Variants in VAX2 observed in about 807,000 individuals in gnomAD.
The protein encoded by VAX2 is ventral anterior homeobox 2.
Under a neutral mutation model 12.5 loss-of-function variants are expected in VAX2, and 8 were observed. That is an observed-to-expected ratio of 0.64 (90% CI 0.37 to 1.15). The LOEUF is 1.15. VAX2 is among the 50% of genes most tolerant of loss of function. VAX2 has a pLI of 0.01. For missense variants in VAX2, 476 were observed against 412.9 expected (o/e 1.15, Z -1.32); for synonymous variants, 183 against 187.6 (o/e 0.98, Z 0.20).
chr2:70,930,748 C>A (rs1307256983), intron 2 of VAX2, among the ~76,000 whole-genome samples: 1 of 152,236 alleles, frequency 6.6e-6, no homozygotes, highest in Non-Finnish European at 1.5e-5. Context: ...TCTCCTCCAC[C>A]CATCTCTTGG....
In VAX2 at chr2:70,925,980, C is replaced by T. The variant is rs573335270; in HGVS notation, c.435+4695C>T. Among the ~76,000 whole-genome samples the T allele has an allele frequency of 1.2e-4, 18 of 152,124 alleles. No homozygotes were observed. The East Asian group carries it at 3.5e-3, about 29-fold the overall frequency. Reference sequence around the variant, plus strand: ...CCAAATAGCATCTCTACCTTCTTCCCTGGATACTCAGAGGACCCAGGCATG... The same window carrying T: ...CCAAATAGCATCTCTACCTTCTTCCTTGGATACTCAGAGGACCCAGGCATG... On this transcript the variant is annotated intron_variant, in intron 2 of 2. Transcript: ENST00000234392.
At chr2:70,928,540 G>A (rs1289068214) in intron 2 of VAX2, among the ~76,000 whole-genome samples, 3 of 151,984 alleles carry the variant, frequency 2.0e-5, no homozygotes, top group East Asian at 1.9e-4. Flanking sequence ...CTCAGGAGAC[G>A]CCCAAACCCA....
At chr2:70,923,739 G>C (rs1679510810) in intron 2 of VAX2, among the ~76,000 whole-genome samples, 1 of 152,220 alleles carries the variant, frequency 6.6e-6, no homozygotes, top group Non-Finnish European at 1.5e-5. Flanking sequence ...CAAGGTAAGG[G>C]GGAGGTGCGT....
intron 1 of VAX2, among the ~76,000 whole-genome samples, chr2:70,920,011 C>A (rs1435807623): frequency 1.3e-5 from 2 of 152,182 alleles, no homozygotes; most frequent in African/African-American, 4.8e-5. Context: ...TGCGTGCGCC[C>A]CCTGGAGGGT....
At chr2:70,920,633 A>G (rs1448430181) in intron 1 of VAX2, among the ~76,000 whole-genome samples, 1 of 94,134 alleles carries the variant, frequency 1.1e-5, no homozygotes, top group East Asian at 3.4e-4. Context: ...TCATGCATGC[A>G]TGCATGCACA....
intron 2 of VAX2, among the ~76,000 whole-genome samples, chr2:70,926,020 A>G (rs1462945265): frequency 2.6e-5 from 4 of 151,996 alleles, no homozygotes; most frequent in African/African-American, 9.7e-5. Flanking sequence ...CAATTCAGGC[A>G]GAGAAAACAC....
intron 1 of VAX2, among the ~76,000 whole-genome samples, chr2:70,919,741 A>G (rs1211152404): frequency 1.3e-5 from 2 of 152,088 alleles, no homozygotes; most frequent in African/African-American, 4.8e-5. Flanking sequence ...AGTCCCAGCA[A>G]CTTGGGAGGC....
intron 1 of VAX2, among the ~76,000 whole-genome samples, chr2:70,911,417 G>A (rs1439002266): frequency 2.0e-5 from 3 of 152,148 alleles, no homozygotes; most frequent in Non-Finnish European, 2.9e-5. Context: ...CAGTGGGTCT[G>A]TATTTATCAA....
rs971159956 is a variant in VAX2, at chr2:70,929,148, A to T, written c.436-3619A>T. On this transcript the variant is annotated intron_variant, in intron 2 of 2. Coordinates refer to ENST00000234392, the MANE Select transcript of VAX2 (RefSeq NM_012476.3). ...GGAAAGGGTTTTCTTCTTTCCAGTC[A>T]TTGCCTTCAGCTAGACTTGGCTGAA... Among the ~76,000 whole-genome samples, 4 of 152,186 alleles carry T rather than the reference A, an allele frequency of 2.6e-5. No homozygotes were observed. The South Asian group carries it at 8.3e-4, about 31-fold the overall frequency.
intron 2 of VAX2, among the ~76,000 whole-genome samples, chr2:70,931,493 C>T (rs774594053): frequency 7.2e-5 from 11 of 152,232 alleles, no homozygotes; most frequent in African/African-American, 7.2e-5. Flanking sequence ...GGCAGCGTGG[C>T]GGCCAGCATG....
intron 1 of VAX2, among the ~76,000 whole-genome samples, chr2:70,905,573 G>A (rs1553410492): frequency 6.6e-6 from 1 of 152,050 alleles, no homozygotes; most frequent in Non-Finnish European, 1.5e-5. Flanking sequence ...TCAGGGAACG[G>A]TTCAGGAAGA....
chr2:70,916,516 C>T (rs1433739437), intron 1 of VAX2, among the ~76,000 whole-genome samples: 1 of 152,194 alleles, frequency 6.6e-6, no homozygotes, highest in Non-Finnish European at 1.5e-5. Context: ...CCTCTTACTA[C>T]TCATTGATGG....
At chr2:70,908,756 T>C (rs1246935588) in intron 1 of VAX2, among the ~76,000 whole-genome samples, 1 of 152,242 alleles carries the variant, frequency 6.6e-6, no homozygotes, top group Non-Finnish European at 1.5e-5. Flanking sequence ...CTCCATAAGA[T>C]GGAAGCAGTT....
chr2:70,914,803 ATT>A (rs34964280), intron 1 of VAX2, among the ~76,000 whole-genome samples: 2,728 of 140,628 alleles, frequency 0.019, 76 homozygotes, highest in African/African-American at 0.065. Flanking sequence ...ATTTACTTAA[ATT>A]TTTTTTTTTT....
rs190807227 is a variant in VAX2, at chr2:70,925,851, T to C, written c.435+4566T>C. On this transcript the variant is annotated intron_variant, in intron 2 of 2. Transcript: ENST00000234392. ...TCCTCCCAGTGCTCTGCTGAGTATG[T>C]GCTCCAACTGCTCTCCAAAATATCT... is the stretch of plus-strand genomic sequence containing the variant. Among the ~76,000 whole-genome samples, 35 of 152,308 alleles carry C rather than the reference T, an allele frequency of 2.3e-4. 1 individual carries two copies. The highest frequency in any genetic ancestry group is 2.1e-3 in the Admixed American group (32 of 15,294).
chr2:70,921,348 T>A (rs1294806823), intron 2 of VAX2, 63 bp downstream of exon 2: 4 of 1,476,018 alleles, frequency 2.7e-6, no homozygotes, highest in Non-Finnish European at 3.6e-6. Context: ...CCTGGGGATA[T>A]GAGGCCCTGT....
At chr2:70,920,084 T>A (rs953763154) in intron 1 of VAX2, among the ~76,000 whole-genome samples, 1 of 152,162 alleles carries the variant, frequency 6.6e-6, no homozygotes, top group African/African-American at 2.4e-5. Context: ...GGCGGCCTTG[T>A]GTTGGTAAGC....
intron 1 of VAX2, among the ~76,000 whole-genome samples, chr2:70,916,240 G>T (rs1357552035): frequency 2.6e-5 from 4 of 152,134 alleles, no homozygotes; most frequent in Non-Finnish European, 4.4e-5. Context: ...TATAAAAATA[G>T]TACAGAGAAG....
At chr2:70,907,377 C>T (rs1553410725) in intron 1 of VAX2, among the ~76,000 whole-genome samples, 1 of 152,234 alleles carries the variant, frequency 6.6e-6, no homozygotes. Context: ...TCGGCGGCAG[C>T]CGGGTGTGAG....
Sources: allele counts gnomAD v4.1 joint callset (sites outside exome capture counted in the v4.1 genomes callset), GRCh38; gene constraint gnomAD v4.1.1; transcripts MANE v1.5; gene names NCBI Gene and HGNC (gene_info 2026-07-23, HGNC 2026-07-21).